ITPK1: variants seen among roughly 807,000 people sequenced by gnomAD.
ITPK1 encodes inositol 1,3,4-trisphosphate 5/6-kinase.
ITPK1 carries 21 observed loss-of-function variants against 45.3 expected under a neutral mutation model. That is an observed-to-expected ratio of 0.46 (90% confidence interval 0.33 to 0.67). ITPK1 has a LOEUF of 0.67. Ranked by LOEUF, ITPK1 falls within the 30% of genes least tolerant of loss-of-function variation. The pLI is 0.02. For synonymous variants in ITPK1, 258 were observed against 253.6 expected (o/e 1.02, Z -0.16); for missense variants, 474 against 573.5 (o/e 0.83, Z 1.77).
At chr14:92,954,560 C>T (rs932718178) in intron 8 of ITPK1, among the ~76,000 whole-genome samples, 4 of 152,182 alleles carry the variant, frequency 2.6e-5, no homozygotes, top group Non-Finnish European at 4.4e-5. Context: ...CTACCACCAA[C>T]GTTCTACAGG....
At chr14:93,017,230 G>A (rs1260071276) in intron 3 of ITPK1, among the ~76,000 whole-genome samples, 2 of 152,148 alleles carry the variant, frequency 1.3e-5, no homozygotes, top group Admixed American at 6.5e-5. Flanking sequence ...GACTAACATC[G>A]CACAGCCAGA....
intron 4 of ITPK1, among the ~76,000 whole-genome samples, chr14:93,011,489 T>C (rs1026144391): frequency 2.0e-5 from 3 of 152,222 alleles, no homozygotes; most frequent in Admixed American, 1.3e-4. Context: ...AGAACCAGTG[T>C]GGCCAAGTGT....
chr14:93,082,983 G>A, intron 2 of ITPK1, among the ~76,000 whole-genome samples: 1 of 152,194 alleles, frequency 6.6e-6, no homozygotes, highest in East Asian at 1.9e-4. Context: ...TTCTGTCGCT[G>A]GCCGCTGAGC....
intron 7 of ITPK1, among the ~76,000 whole-genome samples, chr14:92,959,200 G>A (rs574939001): frequency 1.2e-4 from 19 of 152,334 alleles, no homozygotes; most frequent in Middle Eastern, 3.4e-3. Flanking sequence ...CTCTGCACAG[G>A]GTCTGCTCTA....
intron 2 of ITPK1, among the ~76,000 whole-genome samples, chr14:93,096,494 G>C (rs1030347120): frequency 6.6e-6 from 1 of 152,238 alleles, no homozygotes; most frequent in African/African-American, 2.4e-5. Flanking sequence ...CTGGCACGGA[G>C]GGAGGCCAAT....
chr14:92,974,383 G>T (rs1164405450), intron 5 of ITPK1, among the ~76,000 whole-genome samples: 2 of 152,214 alleles, frequency 1.3e-5, no homozygotes, highest in Non-Finnish European at 2.9e-5. Context: ...AAGCTGGCAT[G>T]CCCTGGGGAT....
intron 4 of ITPK1, among the ~76,000 whole-genome samples, chr14:92,997,150 T>G (rs1056736150): frequency 2.0e-5 from 3 of 152,184 alleles, no homozygotes; most frequent in Non-Finnish European, 4.4e-5. Context: ...GCCGAGCACG[T>G]GGATGGGATG....
intron 3 of ITPK1, chr14:93,070,069 C>G (rs1312934710): frequency 1.3e-5 from 2 of 152,296 alleles, no homozygotes; most frequent in Admixed American, 1.3e-4. Context: ...CTCACACTTA[C>G]AGCTTGCTCA....
intron 2 of ITPK1, among the ~76,000 whole-genome samples, chr14:93,105,112 C>T (rs549304819): frequency 1.1e-4 from 16 of 152,198 alleles, no homozygotes; most frequent in Non-Finnish European, 1.3e-4. Context: ...CTGGGCTGGG[C>T]TGACGACCTG....
At position 93,004,561 on chromosome 14, in the gene ITPK1, T is replaced by C. The variant is rs569600360; in HGVS notation, c.247-10564A>G. 1.5e-4 allele frequency among the ~76,000 whole-genome samples: 23 copies of C among 151,906 alleles called. No homozygotes were observed. The South Asian group carries it at 1.9e-3, about 12-fold the overall frequency. On this transcript the variant is annotated intron_variant, in intron 4 of 10. Coordinates refer to ENST00000267615, the MANE Select transcript of ITPK1 (RefSeq NM_014216.6). ...GAGCTTGTGAGTGAGTGCGTGTGTGTGTATGAGTGTGAGAGCATATGTGTG... is the reference window on the plus strand; with the variant it reads ...GAGCTTGTGAGTGAGTGCGTGTGTGCGTATGAGTGTGAGAGCATATGTGTG...
chr14:92,944,268 T>C (rs751474670), intron 10 of ITPK1, among the ~76,000 whole-genome samples: 1 of 152,130 alleles, frequency 6.6e-6, no homozygotes, highest in Non-Finnish European at 1.5e-5. Flanking sequence ...AAGGGTGCTC[T>C]ATGGTAAGGC....
intron 3 of ITPK1, among the ~76,000 whole-genome samples, chr14:93,037,207 T>A (rs1260195417): frequency 6.6e-6 from 1 of 152,134 alleles, no homozygotes; most frequent in Non-Finnish European, 1.5e-5. Flanking sequence ...GACAATGGCA[T>A]CTCCATGCCC....
chr14:93,028,451 G>A (rs1468774997), intron 3 of ITPK1, among the ~76,000 whole-genome samples: 3 of 152,176 alleles, frequency 2.0e-5, no homozygotes, highest in African/African-American at 4.8e-5. Flanking sequence ...GTGTGCCCAC[G>A]CCAAGGATGG....
chr14:93,068,088 T>TC (rs1227195681), intron 3 of ITPK1: 3 of 153,436 alleles, frequency 2.0e-5, no homozygotes, highest in South Asian at 2.1e-4. Context: ...AGCTGTATTT[T>TC]CCCCACTGAA....
chr14:93,056,795 G>C (rs528579813), intron 3 of ITPK1, among the ~76,000 whole-genome samples: 1 of 152,314 alleles, frequency 6.6e-6, no homozygotes, highest in African/African-American at 2.4e-5. Flanking sequence ...AACAAATAAA[G>C]ATGTACTATA....
At chr14:93,006,230 A>G (rs1332172597) in intron 4 of ITPK1, among the ~76,000 whole-genome samples, 1 of 152,208 alleles carries the variant, frequency 6.6e-6, no homozygotes, top group East Asian at 1.9e-4. Flanking sequence ...CCCAGGCCCA[A>G]CAAGGGGTAG....
chr14:92,945,297 TGC>T (rs768864519), intron 10 of ITPK1, among the ~76,000 whole-genome samples: 2 of 152,246 alleles, frequency 1.3e-5, no homozygotes, highest in African/African-American at 2.4e-5. Flanking sequence ...TGCTGCTGAC[TGC>T]GCCTGCGCAT....
intron 2 of ITPK1, among the ~76,000 whole-genome samples, chr14:93,112,498 G>A (rs1456947582): frequency 2.0e-5 from 3 of 147,070 alleles, no homozygotes; most frequent in Non-Finnish European, 4.5e-5. Flanking sequence ...AGAGTGCAGT[G>A]GCACCATCTC....
At chr14:93,088,126 C>T (rs1023940172) in intron 2 of ITPK1, among the ~76,000 whole-genome samples, 25 of 152,140 alleles carry the variant, frequency 1.6e-4, no homozygotes, top group African/African-American at 5.5e-4. Flanking sequence ...GGCCTGAGCA[C>T]GACCCAAATA....
Sources: allele counts gnomAD v4.1 joint callset (sites outside exome capture counted in the v4.1 genomes callset), GRCh38; gene constraint gnomAD v4.1.1; transcripts MANE v1.5; gene names NCBI Gene and HGNC (gene_info 2026-07-23, HGNC 2026-07-21).